Variants in ESRRG observed in about 807,000 individuals in gnomAD.
ESRRG encodes the protein estrogen related receptor gamma, also known as estrogen-related receptor gamma.
A neutral mutation model predicts 44.0 loss-of-function variants in ESRRG; 13 were observed. The observed-to-expected ratio is 0.30, with a 90% CI of 0.19 to 0.47. The LOEUF is 0.47. Among genes scored for constraint, ESRRG ranks in the 20% least tolerant of loss-of-function variants. The pLI is 1.00. For synonymous variants in ESRRG, 215 were observed against 214.6 expected, an observed-to-expected ratio of 1.00 and a Z score of -0.02; for missense variants, 395 against 580.6, an observed-to-expected ratio of 0.68 and a Z score of 3.29.
chr1:217,119,701 A>C (rs1004209998), intron 1 of ESRRG, among the ~76,000 whole-genome samples: 10 of 152,240 alleles, frequency 6.6e-5, no homozygotes, highest in African/African-American at 2.4e-4. Context: ...GATTTTAAAA[A>C]TAACAGAGGC....
rs565029617 is a variant in ESRRG, at chr1:216,921,952, G to T, written c.-14+17630C>A. 3.9e-4 allele frequency among the ~76,000 whole-genome samples: 59 copies of T among 152,284 alleles called. 1 individual carries two copies. Among genetic ancestry groups the T allele is most frequent in the Admixed American group, 1.4e-3 (22 of 15,294 alleles). ...ACATGGTAAAACCTTAATAATGACAGCTACTAGTTCTGGAGGGTGAAGGTT... is the reference window on the plus strand; with the variant it reads ...ACATGGTAAAACCTTAATAATGACATCTACTAGTTCTGGAGGGTGAAGGTT... On this transcript the variant is annotated intron_variant, in intron 2 of 7. Coordinates refer to the ESRRG transcript ENST00000359162.
intron 1 of ESRRG, among the ~76,000 whole-genome samples, chr1:217,120,257 T>C (rs2092801909): frequency 6.6e-6 from 1 of 151,024 alleles, no homozygotes; most frequent in Non-Finnish European, 1.5e-5. Context: ...TCCCTCATCC[T>C]AGAAATATTT....
At chr1:216,945,996 A>C (rs1444119082) in intron 1 of ESRRG, among the ~76,000 whole-genome samples, 7 of 152,202 alleles carry the variant, frequency 4.6e-5, no homozygotes, top group African/African-American at 1.7e-4. Context: ...ATCATAAGGA[A>C]ATATGGGAGG....
intron 1 of ESRRG, among the ~76,000 whole-genome samples, chr1:216,988,802 T>C (rs2075261152): frequency 6.6e-6 from 1 of 152,220 alleles, no homozygotes; most frequent in African/African-American, 2.4e-5. Flanking sequence ...TCTTCTCCTT[T>C]AACCTTAGTC....
intron 1 of ESRRG, among the ~76,000 whole-genome samples, chr1:216,955,116 C>G (rs2067702599): frequency 6.6e-6 from 1 of 152,044 alleles, no homozygotes; most frequent in South Asian, 2.1e-4. Flanking sequence ...GATATCTAAC[C>G]TACAGTGCTA....
At chr1:216,978,865 T>G (rs903038163) in intron 1 of ESRRG, among the ~76,000 whole-genome samples, 1 of 152,146 alleles carries the variant, frequency 6.6e-6, no homozygotes, top group African/African-American at 2.4e-5. Flanking sequence ...CAGCTTTTTT[T>G]CCCCAGAGAG....
rs147070067 is a variant in ESRRG, at chr1:216,768,867, G to C, written c.-13-91376C>G. On this transcript the variant is annotated intron_variant, in intron 2 of 7. Transcript: ENST00000359162. ...CTCAGAAAAGTGAATATCTTGTCTA[G>C]GATTACACTCTACTAAGAACAAGAG... is the stretch of plus-strand genomic sequence containing the variant. 1.2e-3 allele frequency among the ~76,000 whole-genome samples: 182 copies of C among 152,026 alleles called. 1 individual carries two copies. The highest frequency in any genetic ancestry group is 4.3e-3 in the African/African-American group (177 of 41,472).
chr1:217,106,168 A>C (rs1350843191), intron 1 of ESRRG, among the ~76,000 whole-genome samples: 1 of 152,230 alleles, frequency 6.6e-6, no homozygotes, highest in African/African-American at 2.4e-5. Flanking sequence ...GTAGTCTCTA[A>C]GTGATAGATT....
chr1:217,038,024 T>C (rs949688773), intron 1 of ESRRG, among the ~76,000 whole-genome samples: 1 of 152,176 alleles, frequency 6.6e-6, no homozygotes, highest in African/African-American at 2.4e-5. Flanking sequence ...CTTTGCAGGG[T>C]ACAGCCTCCC....
Position 216,653,568 on chromosome 1 carries a change from G to A in ESRRG, c.473-2479C>T, listed in dbSNP as rs922714841. The stretch of plus-strand genomic sequence containing the variant: ...CTAAGTGTCCTTCAGACTTTCCTCT[G>A]AGAATTATCTATCTTTGCCACTTTT... On this transcript the variant is annotated intron_variant, in intron 2 of 6. Coordinates refer to ENST00000408911, the MANE Select transcript of ESRRG (RefSeq NM_001438.4). Among the ~76,000 whole-genome samples, 181 of 152,076 alleles carry A rather than the reference G, an allele frequency of 1.2e-3. 1 individual carries two copies. The highest frequency in any genetic ancestry group is 2.5e-4 in the Non-Finnish European group (17 of 67,996).
intron 2 of ESRRG, among the ~76,000 whole-genome samples, chr1:216,887,930 T>C (rs183318890): frequency 1.1e-3 from 166 of 152,318 alleles, no homozygotes; most frequent in Admixed American, 3.3e-3. Context: ...AGTGAAGTTC[T>C]ATTCACTTTG....
chr1:217,036,564 C>T (rs1239594016), intron 1 of ESRRG, among the ~76,000 whole-genome samples: 1 of 152,090 alleles, frequency 6.6e-6, no homozygotes, highest in African/African-American at 2.4e-5. Flanking sequence ...AATGCAGGAA[C>T]AGAAAAGCAA....
At chr1:216,906,087 A>G (rs1229652685) in intron 2 of ESRRG, among the ~76,000 whole-genome samples, 1 of 152,212 alleles carries the variant, frequency 6.6e-6, no homozygotes, top group Non-Finnish European at 1.5e-5. Flanking sequence ...CTACCTAGAA[A>G]CAATTTGAGG....
intron 1 of ESRRG, among the ~76,000 whole-genome samples, chr1:216,990,060 A>G (rs1324586009): frequency 1.3e-5 from 2 of 152,198 alleles, no homozygotes. Context: ...ATACCCAACA[A>G]TTCTTTAGAG....
At chr1:216,859,279 T>C (rs2096008452) in intron 2 of ESRRG, among the ~76,000 whole-genome samples, 1 of 152,192 alleles carries the variant, frequency 6.6e-6, no homozygotes, top group African/African-American at 2.4e-5. Context: ...GTAAGACCTA[T>C]GATCATCTCA....
intron 3 of ESRRG, among the ~76,000 whole-genome samples, chr1:216,596,593 A>G (rs17042975): frequency 0.051 from 7,805 of 152,232 alleles, 671 homozygotes; most frequent in African/African-American, 0.18. Flanking sequence ...GTTTGTGAAC[A>G]TTAAACATTT....
chr1:217,118,056 G>T (rs180878351), intron 1 of ESRRG, among the ~76,000 whole-genome samples: 2 of 152,064 alleles, frequency 1.3e-5, no homozygotes, highest in African/African-American at 2.4e-5. Flanking sequence ...TACTTACTAT[G>T]AGCCAGAGCC....
Position 216,858,300 on chromosome 1 carries a change from G to A in ESRRG, c.-14+81282C>T, listed in dbSNP as rs528955978. Among the ~76,000 whole-genome samples the A allele has an allele frequency of 3.4e-3, 519 of 151,892 alleles. 2 individuals carry two copies. The highest frequency in any genetic ancestry group is 0.012 in the African/African-American group (503 of 41,468). On this transcript the variant is annotated intron_variant, in intron 2 of 7. Transcript: ENST00000359162. ...AAAAAAAAAAAAATTAGCCAGGCGTGGTGGCGGGTGCCTGTAGTCCCAGCT... is the reference window on the plus strand; with the variant it reads ...AAAAAAAAAAAAATTAGCCAGGCGTAGTGGCGGGTGCCTGTAGTCCCAGCT...
intron 2 of ESRRG, among the ~76,000 whole-genome samples, chr1:216,659,084 T>C (rs183785797): frequency 5.9e-5 from 9 of 152,334 alleles, no homozygotes; most frequent in African/African-American, 2.2e-4. Context: ...GTAAGAATTA[T>C]GTGAAATGAA....
Sources: gnomAD v4.1 joint callset for allele counts (sites outside exome capture counted in the v4.1 genomes callset) on GRCh38, gnomAD v4.1.1 for gene constraint, MANE v1.5 for transcripts, NCBI Gene and HGNC (gene_info 2026-07-23, HGNC 2026-07-21) for gene names.